Variants in GRIK2 observed in about 807,000 individuals in gnomAD.
GRIK2 encodes glutamate receptor ionotropic, kainate 2.
Under a neutral mutation model 100.3 loss-of-function variants are expected in GRIK2, and 32 were observed. The observed-to-expected ratio is 0.32, with a 90% CI of 0.24 to 0.43. The LOEUF is 0.43. Ranked by LOEUF, GRIK2 falls within the 20% of genes least tolerant of loss-of-function variation. GRIK2 has a pLI of 1.00. For missense variants in GRIK2, 843 were observed against 1,114.9 expected (o/e 0.76, Z 3.47); for synonymous variants, 417 against 389.4 (o/e 1.07, Z -0.83).
chr6:101,823,628 T>C (rs1429647290), intron 10 of GRIK2, among the ~76,000 whole-genome samples: 1 of 152,094 alleles, frequency 6.6e-6, no homozygotes, highest in Non-Finnish European at 1.5e-5. Context: ...TAGAGGTTGT[T>C]AAAATATGAG....
chr6:101,431,940 C>T (rs1769430340), intron 2 of GRIK2, among the ~76,000 whole-genome samples: 1 of 152,184 alleles, frequency 6.6e-6, no homozygotes, highest in East Asian at 1.9e-4. Context: ...GATGTGTTCC[C>T]AACAAAACAT....
intron 2 of GRIK2, among the ~76,000 whole-genome samples, chr6:101,421,741 T>C (rs1203502229): frequency 6.6e-6 from 1 of 152,228 alleles, no homozygotes; most frequent in Non-Finnish European, 1.5e-5. Context: ...ATCACAAGGT[T>C]ATTTGTTCCA....
At chr6:102,053,791 G>A (rs761853358) in intron 15 of GRIK2, among the ~76,000 whole-genome samples, 2 of 152,122 alleles carry the variant, frequency 1.3e-5, no homozygotes, top group Non-Finnish European at 2.9e-5. Flanking sequence ...AGCTTGTAAT[G>A]TATTTAGGAA....
intron 4 of GRIK2, among the ~76,000 whole-genome samples, chr6:101,661,975 T>C (rs1474597825): frequency 6.6e-6 from 1 of 152,154 alleles, no homozygotes; most frequent in Non-Finnish European, 1.5e-5. Context: ...ATTCTTAATT[T>C]CTTCAGTGAT....
chr6:101,646,853 A>G (rs1781547011), intron 4 of GRIK2, among the ~76,000 whole-genome samples: 1 of 151,940 alleles, frequency 6.6e-6, no homozygotes, highest in East Asian at 1.9e-4. Flanking sequence ...AGATGAACAG[A>G]GTTTGGAGAG....
Position 101,430,432 on chromosome 6 carries a change from C to T in GRIK2, c.115+31040C>T, listed in dbSNP as rs140440430. On this transcript the variant is annotated intron_variant, in intron 2 of 16. Transcript: ENST00000369134. ...TATTCTGCTGGGTGATCCACATCTG[C>T]TGGAAGGTGGAAAGGGAGGCCAGCA... The T allele has an allele frequency of 4.2e-3, 906 of 215,580 alleles. 6 individuals carry two copies. The highest frequency in any genetic ancestry group is 0.025 in the Middle Eastern group (10 of 394). 13.4% of individuals were successfully genotyped at this position (215,580 alleles called of 1,614,324 possible).
intron 4 of GRIK2, among the ~76,000 whole-genome samples, chr6:101,639,887 A>T (rs986352060): frequency 6.6e-6 from 1 of 152,118 alleles, no homozygotes; most frequent in African/African-American, 2.4e-5. Flanking sequence ...CAAACAAATA[A>T]TTTTTTTGCA....
At chr6:102,021,437 A>G (rs1769419963) in intron 14 of GRIK2, among the ~76,000 whole-genome samples, 2 of 151,726 alleles carry the variant, frequency 1.3e-5, no homozygotes, top group African/African-American at 2.4e-5. Flanking sequence ...CAAATAAATC[A>G]TCTACATTAT....
intron 1 of GRIK2, among the ~76,000 whole-genome samples, chr6:101,394,335 G>A (rs933081713): frequency 6.6e-6 from 1 of 152,188 alleles, no homozygotes; most frequent in African/African-American, 2.4e-5. Context: ...GAAAAAACTT[G>A]GAGGGCGTCC....
intron 15 of GRIK2, among the ~76,000 whole-genome samples, chr6:102,042,783 G>T (rs192596257): frequency 6.6e-6 from 1 of 151,582 alleles, no homozygotes; most frequent in South Asian, 2.1e-4. Flanking sequence ...GAAAGGTAGG[G>T]TTTATAGGAT....
chr6:101,584,345 G>A (rs1488387153), intron 2 of GRIK2, among the ~76,000 whole-genome samples: 1 of 151,964 alleles, frequency 6.6e-6, no homozygotes, highest in African/African-American at 2.4e-5. Context: ...TCACTCTAGA[G>A]GAAGATTTTT....
At position 101,478,506 on chromosome 6, in the gene GRIK2, G is replaced by GTT. The variant is rs5878666; in HGVS notation, c.115+79134_115+79135dup. 2.4e-3 allele frequency among the ~76,000 whole-genome samples: 283 copies of GTT among 119,546 alleles called. 1 individual carries two copies. The highest frequency in any genetic ancestry group is 7.0e-3 in the African/African-American group (227 of 32,302). The allele number at this position is 119,546 out of a possible 152,430, so 78.4% of individuals were successfully genotyped here. Reference sequence around the variant, plus strand: ...AACTTGTTCTTTTACTTCTGTTTTGGTTTTTTTTTTTTTTTTTTTTTAATT... The same window carrying GTT: ...AACTTGTTCTTTTACTTCTGTTTTGGTTTTTTTTTTTTTTTTTTTTTTTAATT... On this transcript the variant is annotated intron_variant, in intron 2 of 16. Transcript: ENST00000369134.
chr6:101,547,973 C>T (rs1306618228), intron 2 of GRIK2, among the ~76,000 whole-genome samples: 1 of 152,040 alleles, frequency 6.6e-6, no homozygotes, highest in Non-Finnish European at 1.5e-5. Context: ...ACATCCTCTC[C>T]AGCACCTGTT....
At chr6:101,946,109 A>G (rs138888538) in intron 14 of GRIK2, among the ~76,000 whole-genome samples, 73 of 152,190 alleles carry the variant, frequency 4.8e-4, no homozygotes, top group African/African-American at 1.7e-3. Flanking sequence ...ATAATTTTCC[A>G]AAACATAATT....
At chr6:101,826,042 A>G (rs1241199495) in intron 10 of GRIK2, among the ~76,000 whole-genome samples, 1 of 152,046 alleles carries the variant, frequency 6.6e-6, no homozygotes, top group East Asian at 1.9e-4. Flanking sequence ...TTCAATCTCT[A>G]TTTATGATTC....
At chr6:101,797,849 A>T (rs1375374881) in intron 7 of GRIK2, among the ~76,000 whole-genome samples, 1 of 148,544 alleles carries the variant, frequency 6.7e-6, no homozygotes, top group Non-Finnish European at 1.5e-5. Flanking sequence ...ACATTTATAT[A>T]TATAAAATGA....
At chr6:101,557,985 A>T (rs1236202227) in intron 2 of GRIK2, among the ~76,000 whole-genome samples, 1 of 152,122 alleles carries the variant, frequency 6.6e-6, no homozygotes, top group Non-Finnish European at 1.5e-5. Context: ...CTCATACCTC[A>T]ACTGCCCTTC....
At chr6:101,696,065 T>C (rs1291998221) in intron 7 of GRIK2, among the ~76,000 whole-genome samples, 1 of 152,028 alleles carries the variant, frequency 6.6e-6, no homozygotes, top group African/African-American at 2.4e-5. Flanking sequence ...TTTTTGTTAT[T>C]AAATATTAGC....
chr6:101,961,028 A>T (rs1792263851), intron 14 of GRIK2, among the ~76,000 whole-genome samples: 1 of 152,108 alleles, frequency 6.6e-6, no homozygotes, highest in Non-Finnish European at 1.5e-5. Context: ...TAATGTATCC[A>T]CCTTGACTGG....
Sources: gnomAD v4.1 joint callset for allele counts (sites outside exome capture counted in the v4.1 genomes callset) on GRCh38, gnomAD v4.1.1 for gene constraint, MANE v1.5 for transcripts, NCBI Gene and HGNC (gene_info 2026-07-23, HGNC 2026-07-21) for gene names.